MAST4: variants seen among roughly 807,000 people sequenced by gnomAD.
MAST4 encodes microtubule associated serine/threonine kinase family member 4.
A neutral mutation model predicts 162.7 loss-of-function variants in MAST4; 89 were observed. The observed-to-expected ratio is 0.55, with a 90% confidence interval of 0.46 to 0.65. The LOEUF (loss-of-function observed/expected upper bound fraction) is 0.65. Among genes scored for constraint, MAST4 ranks in the 30% least tolerant of loss-of-function variants. The pLI is 0.00. For synonymous variants in MAST4, 1,479 were observed against 1,361.1 expected, an observed-to-expected ratio of 1.09 and a Z score of -1.91; for missense variants, 3,153 against 3,374.0, an observed-to-expected ratio of 0.93 and a Z score of 1.62.
At chr5:67,131,758 T>C in intron 15 of MAST4, 55 bp from the exon 16 acceptor site, 1 of 1,582,954 alleles carries the variant, frequency 6.3e-7, no homozygotes. Context: ...TCTAAACTGA[T>C]TTTCTACATT....
chr5:67,082,212 G>C (rs917010928), intron 5 of MAST4, among the ~76,000 whole-genome samples: 1 of 147,520 alleles, frequency 6.8e-6, no homozygotes, highest in South Asian at 2.1e-4. Context: ...GCAGTGGCGC[G>C]ATCTCAGCTC....
At chr5:66,952,750 C>T (rs918626363) in intron 4 of MAST4, among the ~76,000 whole-genome samples, 2 of 151,882 alleles carry the variant, frequency 1.3e-5, no homozygotes, top group Admixed American at 6.6e-5. Flanking sequence ...ATCGCTGCTC[C>T]CTTTGCCTGC....
intron 23 of MAST4, among the ~76,000 whole-genome samples, chr5:67,146,170 AGCCAAGGGG>A: frequency 6.6e-6 from 1 of 151,826 alleles, no homozygotes; most frequent in African/African-American, 2.4e-5. Flanking sequence ...TTTGGGAGGC[AGCCAAGGGG>A]GCTTGGGCCT....
At chr5:66,933,412 A>T (rs959713297) in intron 4 of MAST4, among the ~76,000 whole-genome samples, 2 of 152,274 alleles carry the variant, frequency 1.3e-5, no homozygotes, top group African/African-American at 4.8e-5. Context: ...TTTGGTCCCA[A>T]CTTATTTTTC....
At chr5:66,910,535 C>T (rs1299048380) in intron 4 of MAST4, among the ~76,000 whole-genome samples, 1 of 152,112 alleles carries the variant, frequency 6.6e-6, no homozygotes, top group Non-Finnish European at 1.5e-5. Context: ...GTGCCATCTC[C>T]TCTGCCATTT....
intron 1 of MAST4, among the ~76,000 whole-genome samples, chr5:66,759,423 A>G (rs115080027): frequency 0.013 from 2,033 of 152,278 alleles, 50 homozygotes; most frequent in African/African-American, 0.046. Context: ...GCATTAAAAA[A>G]CACCAGTCAC....
intron 3 of MAST4, among the ~76,000 whole-genome samples, chr5:66,801,099 C>T (rs942999201): frequency 3.6e-4 from 54 of 152,054 alleles, no homozygotes; most frequent in Non-Finnish European, 1.3e-4. Context: ...CTGGCTCAGC[C>T]CATCAGTAAA....
At chr5:66,724,843 A>G (rs1233697502) in intron 1 of MAST4, among the ~76,000 whole-genome samples, 2 of 152,060 alleles carry the variant, frequency 1.3e-5, no homozygotes, top group Admixed American at 6.6e-5. Context: ...TTGAAACATT[A>G]TACAGCACTG....
chr5:66,802,417 C>G (rs1158463700), intron 3 of MAST4, among the ~76,000 whole-genome samples: 16 of 152,092 alleles, frequency 1.1e-4, no homozygotes. Flanking sequence ...TCTTTGAAAA[C>G]AAACTTTATG....
At chr5:66,859,817 G>A (rs1056554173) in intron 3 of MAST4, among the ~76,000 whole-genome samples, 1 of 152,172 alleles carries the variant, frequency 6.6e-6, no homozygotes, top group Non-Finnish European at 1.5e-5. Flanking sequence ...AGAGAGTGCC[G>A]TGCTGCCTAA....
rs1488272789 is a variant in MAST4, at chr5:67,167,042, G to C, written c.7863G>C (p.Lys2621Asn). Residue 2621 changes from lysine (K) to asparagine (N), a missense_variant, in exon 29 of 29, where the codon AAG becomes AAC. Lys to Asn is a moderately conservative substitution (Grantham distance 94, BLOSUM62 0). Around this residue, in one of 7 missense-constraint regions of MAST4, gnomAD observed 1,644 missense variants for 1,495.0 expected, o/e 1.10. Coordinates refer to ENST00000403625, the MANE Select transcript of MAST4 (RefSeq NM_001164664.2). ...KESLRSSPHK[K>N]AL is the part of the protein sequence containing the mutation. ...GTTTGCGTAGCAGCCCTCACAAAAA[G>C]GCCTTGTAACGGGGAGGGCCCAGGG... 6.3e-7 allele frequency: 1 copy of C among 1,583,570 alleles called. No homozygotes were observed. Among genetic ancestry groups the C allele is most frequent in the Non-Finnish European group, 8.6e-7 (1 of 1,164,350 alleles).
intron 2 of MAST4, among the ~76,000 whole-genome samples, chr5:66,760,627 A>G (rs1252715141): frequency 1.3e-5 from 2 of 152,176 alleles, no homozygotes; most frequent in African/African-American, 4.8e-5. Context: ...AGGGGTTTAC[A>G]TTAATGGAAG....
At position 67,142,463 on chromosome 5, in the gene MAST4, A is replaced by G. The variant is rs760554591; in HGVS notation, c.2660A>G (p.Asp887Gly). Residue 887 changes from aspartate (D) to glycine (G), a missense_variant, in exon 21 of 29, where the codon GAT becomes GGT. Transcript: ENST00000403625. Reference sequence around the variant, plus strand: ...CATCATATGGAAACGGAGGAAGAAGATGACACAAATGATGAAGACTTTAAT... The same window carrying G: ...CATCATATGGAAACGGAGGAAGAAGGTGACACAAATGATGAAGACTTTAAT... Reference protein sequence around the residue: ...KYHHMETEEEDDTNDEDFNVE... With the variant: ...KYHHMETEEEGDTNDEDFNVE... 5.6e-6 allele frequency: 9 copies of G among 1,600,936 alleles called. No homozygotes were observed. The Admixed American group carries it at 1.4e-4, about 24-fold the overall frequency.
At chr5:66,788,591 A>ACG in intron 2 of MAST4, 79 bp from the exon 3 acceptor site, 1 of 618,924 alleles carries the variant, frequency 1.6e-6, no homozygotes, top group Admixed American at 2.1e-5. Flanking sequence ...AGGAAGAGAC[A>ACG]CCCCACCCCC....
chr5:66,659,181 A>G (rs1746743596), intron 1 of MAST4, among the ~76,000 whole-genome samples: 1 of 152,122 alleles, frequency 6.6e-6, no homozygotes, highest in African/African-American at 2.4e-5. Context: ...CCTTCCTTCA[A>G]GCCAGGAACA....
chr5:67,043,010 CATGCT>C (rs1756954372), intron 4 of MAST4, among the ~76,000 whole-genome samples: 2 of 152,192 alleles, frequency 1.3e-5, no homozygotes, highest in African/African-American at 4.8e-5. Context: ...GTTAAATAGT[CATGCT>C]GTTCATTCTG....
At position 66,827,736 on chromosome 5, in the gene MAST4, T is replaced by C. The variant is rs142816418; in HGVS notation, c.642+38942T>C. Reference sequence around the variant, plus strand: ...CTTTCAAGAAAAATAATTATTCTAATGGATAGAGTGAAAGAGGTCGTTCTT... The same window carrying C: ...CTTTCAAGAAAAATAATTATTCTAACGGATAGAGTGAAAGAGGTCGTTCTT... On this transcript the variant is annotated intron_variant, in intron 3 of 28. Transcript: ENST00000403625. 7.7e-3 allele frequency among the ~76,000 whole-genome samples: 1,177 copies of C among 152,334 alleles called. 14 individuals carry two copies. Among genetic ancestry groups the C allele is most frequent in the African/African-American group, 0.027 (1,136 of 41,582 alleles).
chr5:66,879,177 G>A (rs1470640993), intron 3 of MAST4, among the ~76,000 whole-genome samples: 1 of 152,114 alleles, frequency 6.6e-6, no homozygotes, highest in Admixed American at 6.5e-5. Context: ...TACTCGGGAG[G>A]CTGAGGCAGG....
At chr5:67,162,849 C>A in intron 28 of MAST4, 61 bp downstream of exon 28, 1 of 1,495,376 alleles carries the variant, frequency 6.7e-7, no homozygotes. Context: ...TGTGAGGTCC[C>A]CAAAAAACAT....
Sources: gnomAD v4.1 joint callset for allele counts (sites outside exome capture counted in the v4.1 genomes callset) on GRCh38, gnomAD v4.1.1 for gene constraint, gnomAD v4.1.1 regional missense constraint, MANE v1.5 for transcripts, NCBI Gene and HGNC (gene_info 2026-07-23, HGNC 2026-07-21) for gene names.